The following COQ8B variants were observed in gnomAD, a reference collection of about 807,000 sequenced individuals.
COQ8B encodes the protein atypical kinase COQ8B, mitochondrial.
A neutral mutation model predicts 62.0 loss-of-function variants in COQ8B; 44 were observed. The observed-to-expected ratio is 0.71, with a 90% CI of 0.56 to 0.91. The LOEUF (loss-of-function observed/expected upper bound fraction) is 0.91. Ranked by LOEUF, COQ8B falls within the 40% of genes least tolerant of loss-of-function variation. The probability of loss-of-function intolerance (pLI) is 0.00; values close to 1 mark genes in which losing one functional copy is unlikely to be tolerated. For synonymous variants in COQ8B, 252 were observed against 289.9 expected (o/e 0.87, Z 1.33); for missense variants, 649 against 731.6 (o/e 0.89, Z 1.30).
chr19:40,697,723 G>C, intron 12 of COQ8B, among the ~76,000 whole-genome samples: 1 of 151,152 alleles, frequency 6.6e-6, no homozygotes, highest in Non-Finnish European at 1.5e-5. Context: ...TTGAACCCAG[G>C]AGGTGGAGGT....
Position 40,712,027 on chromosome 19 carries a change from A to AT in COQ8B, c.290-1892dup, listed in dbSNP as rs113925022. Among the ~76,000 whole-genome samples, 1,385 of 146,880 alleles carry AT rather than the reference A, an allele frequency of 9.4e-3. 12 individuals carry two copies. The highest frequency in any genetic ancestry group is 8.6e-3 in the Non-Finnish European group (573 of 66,272). On this transcript the variant is annotated intron_variant, in intron 4 of 14. Transcript: ENST00000324464. ...AATCTATCTATGTATATATATATAG[A>AT]TTTTTTTTTTTTGAGACAGAGTTTC...
chr19:40,709,317 A>C (rs1012685696), intron 5 of COQ8B, among the ~76,000 whole-genome samples: 6 of 152,202 alleles, frequency 3.9e-5, no homozygotes, highest in Non-Finnish European at 8.8e-5. Context: ...TTGTCAAATA[A>C]TGTCTCTTTC....
intron 5 of COQ8B, among the ~76,000 whole-genome samples, chr19:40,707,706 C>T (rs1450551614): frequency 3.9e-5 from 6 of 152,326 alleles, no homozygotes; most frequent in South Asian, 2.1e-4. Context: ...CCACCTGCCT[C>T]GGCCTGCCAA....
chr19:40,705,652 G>GA (rs2082095204), intron 5 of COQ8B, among the ~76,000 whole-genome samples: 1 of 152,158 alleles, frequency 6.6e-6, no homozygotes, highest in African/African-American at 2.4e-5. Context: ...TGGCTAAAAC[G>GA]AAATACGGAG....
Position 40,702,667 on chromosome 19 carries a change from C to T in COQ8B, c.826G>A (p.Ala276Thr), listed in dbSNP as rs200480831. The change falls in exon 10 of 15, where the codon GCC becomes ACC. Residue 276 changes from alanine to threonine, a missense_variant. By Grantham distance (58) the Ala-to-Thr change is moderately conservative. Transcript: ENST00000324464. ...AGLFAEQSLQ[A>T]LQQELAWECD... Reference sequence around the variant, plus strand: ...TCCCAAGCCAGCTCCTGCTGCAAGGCCTGCAGGCTCTGCTCGGCAAACAGG... The same window carrying T: ...TCCCAAGCCAGCTCCTGCTGCAAGGTCTGCAGGCTCTGCTCGGCAAACAGG... 1.2e-6 allele frequency: 2 copies of T among 1,610,730 alleles called. No individual in the cohort carries two copies. The highest frequency in any genetic ancestry group is 1.6e-4 in the Middle Eastern group (1 of 6,062).
rs932410348 is a variant in COQ8B at position 40,691,603 on chromosome 19, AC to A, written c.*431del. On this transcript the variant is annotated 3_prime_UTR_variant, in exon 15 of 15. Coordinates refer to ENST00000324464, the MANE Select transcript of COQ8B (RefSeq NM_024876.4). ...CCCCGCACCCCTACCTCTCCAACAC[AC>A]TGAGAGGCTGGAACCCGGGAGAAGG... 8 of 153,908 alleles carry A rather than the reference AC, an allele frequency of 5.2e-5. No individual in the cohort carries two copies. Among genetic ancestry groups the A allele is most frequent in the Non-Finnish European group, 1.0e-4 (7 of 70,042 alleles). The allele number at this position is 153,908 out of a possible 1,614,324, so 9.5% of individuals were successfully genotyped here.
intron 5 of COQ8B, among the ~76,000 whole-genome samples, chr19:40,705,924 T>C (rs1178932578): frequency 7.0e-6 from 1 of 143,618 alleles, no homozygotes; most frequent in Non-Finnish European, 1.5e-5. Flanking sequence ...AGCAATACCC[T>C]GTCTCGGGAA....
rs866022187 is a variant in COQ8B at position 40,694,584 on chromosome 19, G to A, written c.1209+1405C>T. 3.9e-5 allele frequency among the ~76,000 whole-genome samples: 6 copies of A among 152,108 alleles called. No individual in the cohort carries two copies. In the South Asian group the frequency reaches 6.2e-4, roughly 16 times the overall value. ...GGTAGCCCTGGCCTCACATGGGTGCGTGTCAGAACATAGCATCTTACACCC... is the reference window on the plus strand; with the variant it reads ...GGTAGCCCTGGCCTCACATGGGTGCATGTCAGAACATAGCATCTTACACCC... On this transcript the variant is annotated intron_variant, in intron 13 of 14. Coordinates refer to ENST00000324464, the MANE Select transcript of COQ8B (RefSeq NM_024876.4).
Position 40,714,287 on chromosome 19 carries a change from G to A in COQ8B, c.213C>T (p.Pro71=). 6.2e-7 allele frequency: 1 copy of A among 1,612,590 alleles called. No homozygotes were observed. The highest frequency in any genetic ancestry group is 1.1e-5 in the South Asian group (1 of 90,926). Reference sequence around the variant, plus strand: ...GTGGGGGTAATGATACCTGGGGCCGGGGTGTCTTCCTGGGACGGGCCTCCC... The same window carrying A: ...GTGGGGGTAATGATACCTGGGGCCGAGGTGTCTTCCTGGGACGGGCCTCCC... The part of the protein sequence containing the change: ...RAREARPRKT[P]RPQLSDRSRE... Residue 71 remains proline, a synonymous_variant, in exon 3 of 15, where the codon CCC becomes CCT. Transcript: ENST00000324464.
In COQ8B at chr19:40,711,476, G is replaced by A. The variant is rs1002159495; in HGVS notation, c.290-1340C>T. On this transcript the variant is annotated intron_variant, in intron 4 of 14. Transcript: ENST00000324464. The stretch of plus-strand genomic sequence containing the variant: ...AGAACTCACGTGATCCTCCTGCCTC[G>A]GCCTCCCAAAGTGCTGGGATTACAG... Among the ~76,000 whole-genome samples the A allele has an allele frequency of 3.9e-5, 6 of 152,172 alleles. 1 individual carries two copies. The South Asian group carries it at 1.2e-3, about 32-fold the overall frequency.
Position 40,703,766 on chromosome 19 carries a change from C to A in COQ8B, c.666G>T (p.Gln222His), listed in dbSNP as rs1360823578. Residue 222 changes from glutamine (Q) to histidine (H), a missense_variant, in exon 8 of 15, where the codon CAG (glutamine) becomes CAT (histidine). Physicochemically the swap from Gln to His is conservative, Grantham distance 24 (BLOSUM62 0). Coordinates refer to ENST00000324464, the MANE Select transcript of COQ8B (RefSeq NM_024876.4). ...CGTCCCTCAGCAGGCCCTGGTGCACCTGCCCAATTGAGGCAGCGGCAAAGG... is the reference window on the plus strand; with the variant it reads ...CGTCCCTCAGCAGGCCCTGGTGCACATGCCCAATTGAGGCAGCGGCAAAGG... Reference protein sequence around the residue: ...EVPFAAASIGQVHQGLLRDGT... With the variant: ...EVPFAAASIGHVHQGLLRDGT... The A allele has an allele frequency of 6.2e-7, 1 of 1,614,118 alleles. No homozygotes were observed. The highest frequency in any genetic ancestry group is 1.7e-5 in the Admixed American group (1 of 60,024).
At chr19:40,697,913 C>T (rs553539971) in intron 12 of COQ8B, among the ~76,000 whole-genome samples, 31 of 135,816 alleles carry the variant, frequency 2.3e-4, no homozygotes, top group African/African-American at 8.1e-4. Context: ...CACACAAAAA[C>T]GTCAAACAAA....
chr19:40,705,196 G>T lies in COQ8B; in HGVS notation c.491-15C>A. The T allele has an allele frequency of 6.2e-7, 1 of 1,612,566 alleles. No individual in the cohort carries two copies. The highest frequency in any genetic ancestry group is 8.5e-7 in the Non-Finnish European group (1 of 1,179,156). ...GAAGCTGTTGTCTTGGGAGACAGTG[G>T]AACCAGGGGGGAAGTAAGCGAAGAG... is the stretch of plus-strand genomic sequence containing the variant. On this transcript the variant is annotated splice_polypyrimidine_tract_variant and intron_variant, in intron 6 of 14. Coordinates refer to ENST00000324464, the MANE Select transcript of COQ8B (RefSeq NM_024876.4).
intron 7 of COQ8B, 66 bp from the exon 8 acceptor site, chr19:40,703,921 G>C: frequency 2.6e-6 from 4 of 1,533,012 alleles, no homozygotes; most frequent in Non-Finnish European, 3.5e-6. Context: ...AGTGCTTTAC[G>C]TGTTGATAAC....
At position 40,710,128 on chromosome 19, in the gene COQ8B, C is replaced by A. The variant is rs745669537; in HGVS notation, c.298G>T (p.Val100Leu). 4.5e-5 allele frequency: 73 copies of A among 1,613,994 alleles called. No individual in the cohort carries two copies. Among genetic ancestry groups the A allele is most frequent in the Admixed American group, 5.0e-5 (3 of 59,994 alleles). ...GCCAGTACTCCTAGCCCCAAGCCCA[C>A]AGCCAGTCCTGGAGTGCAAGAGAAG... Reference protein sequence around the residue: ...SRLANFGGLAVGLGLGVLAEM... With the variant: ...SRLANFGGLALGLGLGVLAEM... Residue 100 changes from valine (V) to leucine (L), a missense_variant, in exon 5 of 15, where the codon GTG becomes TTG. Transcript: ENST00000324464.
chr19:40,714,917 C>T, intron 1 of COQ8B: 2 of 1,214,168 alleles, frequency 1.6e-6, no homozygotes, highest in Non-Finnish European at 2.1e-6. Flanking sequence ...GGCTACCTCT[C>T]CACTTCTCTG....
chr19:40,714,315 G>A lies in COQ8B; in HGVS notation c.185C>T (p.Ala62Val). ...RGLGEEDIRR[A>V]REARPRKTPR... The stretch of plus-strand genomic sequence containing the variant: ...TGTCTTCCTGGGACGGGCCTCCCGT[G>A]CCCTGCGAATGTCCTCCTCACCCAG... The change falls in exon 3 of 15, where the codon GCA becomes GTA. Residue 62 changes from alanine (A) to valine (V), a missense_variant. Physicochemically the swap from Ala to Val is moderately conservative, Grantham distance 64 (BLOSUM62 0). Coordinates refer to ENST00000324464, the MANE Select transcript of COQ8B (RefSeq NM_024876.4). 6 of 1,613,992 alleles carry A rather than the reference G, an allele frequency of 3.7e-6. No homozygotes were observed. The highest frequency in any genetic ancestry group is 5.1e-6 in the Non-Finnish European group (6 of 1,179,986).
chr19:40,694,018 T>C (rs1218711723), intron 13 of COQ8B, among the ~76,000 whole-genome samples: 1 of 151,872 alleles, frequency 6.6e-6, no homozygotes, highest in African/African-American at 2.4e-5. Flanking sequence ...TTTTATAAAG[T>C]GGCAAAGGCT....
chr19:40,705,074 C>T (rs776487329), intron 7 of COQ8B, 22 bp downstream of exon 7: 8 of 1,584,558 alleles, frequency 5.0e-6, no homozygotes, highest in Admixed American at 3.6e-5. Flanking sequence ...TCCCTCACCG[C>T]CCTCCCCCAC....
Sources: gnomAD v4.1 joint callset for allele counts (sites outside exome capture counted in the v4.1 genomes callset) on GRCh38, gnomAD v4.1.1 for gene constraint, MANE v1.5 for transcripts, NCBI Gene and HGNC (gene_info 2026-07-23, HGNC 2026-07-21) for gene names.